Variants in UBXN2B observed in about 807,000 individuals in gnomAD.
UBXN2B encodes the protein UBX domain-containing protein 2B.
UBXN2B carries 19 observed loss-of-function variants against 37.5 expected under a neutral mutation model. That is an observed-to-expected ratio of 0.51 (90% CI 0.35 to 0.74). The LOEUF (loss-of-function observed/expected upper bound fraction) is 0.74. Ranked by LOEUF, UBXN2B falls within the 30% of genes least tolerant of loss-of-function variation. The probability of loss-of-function intolerance (pLI) is 0.01; values close to 1 mark genes in which losing one functional copy is unlikely to be tolerated. For synonymous variants in UBXN2B, 145 were observed against 143.8 expected (o/e 1.01, Z -0.06); for missense variants, 370 against 393.2 (o/e 0.94, Z 0.50).
rs576458417 is a variant in UBXN2B, at chr8:58,419,419, A to G, written c.188+2466A>G. Among the ~76,000 whole-genome samples the G allele has an allele frequency of 5.3e-5, 8 of 152,292 alleles. No individual in the cohort carries two copies. In the South Asian group the frequency reaches 1.7e-3, roughly 32 times the overall value. On this transcript the variant is annotated intron_variant, in intron 2 of 7. Transcript: ENST00000399598. ...TGTCATTTTAAGCCAAGACAGTTTC[A>G]TTATCTGAAACTCTGGACATAAGAT...
Position 58,436,485 on chromosome 8 carries a change from C to T in UBXN2B, c.533+1981C>T, listed in dbSNP as rs143348291. Reference sequence around the variant, plus strand: ...GTTGCAGTGCATCTGACATCCCCTACCTCGACACTGAATGACAGCAGTGCT... The same window carrying T: ...GTTGCAGTGCATCTGACATCCCCTATCTCGACACTGAATGACAGCAGTGCT... On this transcript the variant is annotated intron_variant, in intron 5 of 7. Coordinates refer to ENST00000399598, the MANE Select transcript of UBXN2B (RefSeq NM_001077619.2). Among the ~76,000 whole-genome samples the T allele has an allele frequency of 8.5e-4, 130 of 152,324 alleles. 2 individuals are homozygous for T. Among genetic ancestry groups the T allele is most frequent in the Non-Finnish European group, 1.4e-3 (94 of 68,038 alleles).
chr8:58,443,562 G>A (rs1303059917), intron 6 of UBXN2B, among the ~76,000 whole-genome samples: 1 of 151,284 alleles, frequency 6.6e-6, no homozygotes, highest in Non-Finnish European at 1.5e-5. Context: ...GGAGGCCGAG[G>A]CAGGCAGATG....
chr8:58,448,173 C>CTTTTTTTTT lies in UBXN2B; in HGVS notation c.*631_*639dup, dbSNP rs71248196. On this transcript the variant is annotated 3_prime_UTR_variant, in exon 8 of 8. Coordinates refer to ENST00000399598, the MANE Select transcript of UBXN2B (RefSeq NM_001077619.2). ...CAGAAACACATAAAGGTCAGCAATT[C>CTTTTTTTTT]TTTTTTTTTTTTTTTTTGATATGGA... is the stretch of plus-strand genomic sequence containing the variant. 7.5e-6 allele frequency: 1 copy of CTTTTTTTTT among 133,644 alleles called. No homozygotes were observed. Among genetic ancestry groups the CTTTTTTTTT allele is most frequent in the African/African-American group, 2.8e-5 (1 of 36,050 alleles). 8.3% of individuals were successfully genotyped at this position (133,644 alleles called of 1,614,324 possible).
chr8:58,444,366 G>A (rs947773627), intron 6 of UBXN2B, among the ~76,000 whole-genome samples: 2 of 152,210 alleles, frequency 1.3e-5, no homozygotes, highest in African/African-American at 4.8e-5. Flanking sequence ...CACTGCTGCT[G>A]TTGGCTCTCA....
At chr8:58,426,266 G>T in intron 2 of UBXN2B, 1 of 522,626 alleles carries the variant, frequency 1.9e-6, no homozygotes, top group South Asian at 2.0e-5. Context: ...GAGTGCAGTG[G>T]CATGATCTCG....
intron 5 of UBXN2B, chr8:58,435,239 C>CCTG: frequency 6.4e-6 from 5 of 783,990 alleles, no homozygotes; most frequent in Admixed American, 4.9e-5. Flanking sequence ...CAGGGTTATA[C>CCTG]TCCATAAAGG....
At chr8:58,440,711 T>C (rs535015878) in intron 6 of UBXN2B, among the ~76,000 whole-genome samples, 1 of 152,350 alleles carries the variant, frequency 6.6e-6, no homozygotes, top group East Asian at 1.9e-4. Context: ...ATTCCTTCCC[T>C]TCCAAGCCCC....
At chr8:58,414,354 G>A (rs569224289) in intron 1 of UBXN2B, among the ~76,000 whole-genome samples, 24 of 152,090 alleles carry the variant, frequency 1.6e-4, no homozygotes, top group Non-Finnish European at 2.8e-4. Context: ...TTATTACAGC[G>A]TCTAGAATTG....
chr8:58,442,494 A>G (rs7006025), intron 6 of UBXN2B, among the ~76,000 whole-genome samples: 30,263 of 152,198 alleles, frequency 0.2, 3,185 homozygotes, highest in Middle Eastern at 0.27. Flanking sequence ...AAAATAATCT[A>G]TTGTCTTCCA....
At chr8:58,426,536 A>G (rs1808096563) in intron 2 of UBXN2B, 2 of 741,400 alleles carry the variant, frequency 2.7e-6, no homozygotes, top group South Asian at 1.3e-5. Context: ...TGTGGGTGAC[A>G]GCTCCATTTC....
At chr8:58,424,774 T>G in intron 2 of UBXN2B, 1 of 1,440,792 alleles carries the variant, frequency 6.9e-7, no homozygotes, top group Non-Finnish European at 9.8e-7. Flanking sequence ...CTTGCTTTTC[T>G]GCTCTTCTTC....
At position 58,447,451 on chromosome 8, in the gene UBXN2B, T is replaced by G. The variant is rs753778325; in HGVS notation, c.896T>G (p.Ile299Ser). ...SRPEFAALDFILVTSFPNKEL... is the reference protein window; with the variant it reads ...SRPEFAALDFSLVTSFPNKEL... ...CCTGAATTTGCGGCTCTTGACTTTA[T>G]TCTTGTGACTTCATTTCCGAATAAA... Residue 299 changes from isoleucine (I) to serine (S), a missense_variant, in exon 8 of 8, where the codon ATT becomes AGT. By Grantham distance (142) the Ile-to-Ser change is moderately radical (BLOSUM62 -2). This residue lies in a region of UBXN2B where 83 missense variants were observed against 83.5 expected (regional missense o/e 0.99). Coordinates refer to ENST00000399598, the MANE Select transcript of UBXN2B (RefSeq NM_001077619.2). 1 of 1,613,348 alleles carries G rather than the reference T, an allele frequency of 6.2e-7. No homozygotes were observed. The highest frequency in any genetic ancestry group is 8.5e-7 in the Non-Finnish European group (1 of 1,179,534).
At chr8:58,434,152 G>A (rs1339362587) in intron 4 of UBXN2B, among the ~76,000 whole-genome samples, 1 of 152,046 alleles carries the variant, frequency 6.6e-6, no homozygotes, top group Non-Finnish European at 1.5e-5. Flanking sequence ...AGGACCTTTG[G>A]TATTTGCAGC....
intron 5 of UBXN2B, among the ~76,000 whole-genome samples, chr8:58,437,647 C>G (rs1808448320): frequency 6.6e-6 from 1 of 152,106 alleles, no homozygotes. Context: ...TTCTAAGCAG[C>G]AGAACATTCA....
chr8:58,424,831 A>C (rs1808036414), intron 2 of UBXN2B: 1 of 1,433,752 alleles, frequency 7.0e-7, no homozygotes, highest in Admixed American at 1.7e-5. Context: ...CGCCATATAG[A>C]TAAATCGGTA....
At chr8:58,433,079 T>C in intron 3 of UBXN2B, 81 bp from the exon 4 acceptor site, 1 of 1,163,076 alleles carries the variant, frequency 8.6e-7, no homozygotes, top group South Asian at 1.4e-5. Flanking sequence ...AGAATTAATC[T>C]AGTTTTAAAA....
chr8:58,434,581 C>A, intron 5 of UBXN2B, 77 bp downstream of exon 5: 1 of 1,101,974 alleles, frequency 9.1e-7, no homozygotes, highest in Non-Finnish European at 1.3e-6. Context: ...ATTATTAGTG[C>A]ACTACGGGTT....
intron 5 of UBXN2B, among the ~76,000 whole-genome samples, chr8:58,436,175 G>C (rs1272480758): frequency 6.6e-6 from 1 of 152,140 alleles, no homozygotes. Flanking sequence ...AGTATATGAG[G>C]TTGTCAGCTT....
chr8:58,439,055 A>C (rs939659746), intron 5 of UBXN2B, among the ~76,000 whole-genome samples: 1 of 152,120 alleles, frequency 6.6e-6, no homozygotes, highest in African/African-American at 2.4e-5. Flanking sequence ...GCCATGTGAT[A>C]TGCTGGGTCC....
Sources: gnomAD v4.1 joint callset for allele counts (sites outside exome capture counted in the v4.1 genomes callset) on GRCh38, gnomAD v4.1.1 for gene constraint, gnomAD v4.1.1 regional missense constraint, MANE v1.5 for transcripts, NCBI Gene and HGNC (gene_info 2026-07-23, HGNC 2026-07-21) for gene names.